Variants in NPAS3 observed in about 807,000 individuals in gnomAD.
NPAS3 encodes neuronal PAS domain-containing protein 3.
NPAS3 carries 14 observed loss-of-function variants against 73.1 expected under a neutral mutation model. The ratio of observed to expected loss-of-function variants is 0.19; its 90% CI spans 0.13 to 0.30. The LOEUF (loss-of-function observed/expected upper bound fraction) is 0.30. NPAS3 is among the 10% of genes least tolerant of loss of function. The probability of loss-of-function intolerance (pLI) is 1.00; values close to 1 mark genes in which losing one functional copy is unlikely to be tolerated. For synonymous variants in NPAS3, 620 were observed against 541.5 expected (o/e 1.14, Z -2.01); for missense variants, 1,096 against 1,250.0 (o/e 0.88, Z 1.86).
chr14:33,307,337 T>G (rs1161551056), intron 3 of NPAS3, among the ~76,000 whole-genome samples: 2 of 152,182 alleles, frequency 1.3e-5, no homozygotes, highest in African/African-American at 4.8e-5. Flanking sequence ...AATAATTCCA[T>G]TACCTGAATT....
At chr14:33,405,104 A>T (rs1291288108) in intron 4 of NPAS3, among the ~76,000 whole-genome samples, 1 of 151,918 alleles carries the variant, frequency 6.6e-6, no homozygotes. Context: ...TGCTGTGCAC[A>T]TTGTTGGCTG....
chr14:33,714,067 G>T, intron 6 of NPAS3, among the ~76,000 whole-genome samples: 1 of 151,716 alleles, frequency 6.6e-6, no homozygotes, highest in African/African-American at 2.4e-5. Flanking sequence ...GTCTTCTCTG[G>T]CCACGTTATT....
intron 4 of NPAS3, among the ~76,000 whole-genome samples, chr14:33,384,430 AAAAC>A (rs986941725): frequency 6.6e-6 from 1 of 151,910 alleles, no homozygotes; most frequent in African/African-American, 2.4e-5. Context: ...TTAAAAAAAA[AAAAC>A]AAATACCATT....
intron 3 of NPAS3, among the ~76,000 whole-genome samples, chr14:33,243,463 T>C (rs1461299000): frequency 6.6e-6 from 1 of 152,132 alleles, no homozygotes; most frequent in Non-Finnish European, 1.5e-5. Context: ...TCTTCCAGCA[T>C]TTCTGATTCA....
chr14:33,316,438 A>G (rs1005916150), intron 3 of NPAS3, among the ~76,000 whole-genome samples: 2 of 152,038 alleles, frequency 1.3e-5, no homozygotes, highest in African/African-American at 4.8e-5. Flanking sequence ...CATCCTGCAG[A>G]CTCAGAGAGA....
chr14:33,229,377 C>A (rs1310990469), intron 3 of NPAS3, among the ~76,000 whole-genome samples: 1 of 152,084 alleles, frequency 6.6e-6, no homozygotes, highest in Non-Finnish European at 1.5e-5. Context: ...GCATCTAAGA[C>A]CTGAATATAG....
At chr14:33,363,397 C>T (rs921729914) in intron 3 of NPAS3, among the ~76,000 whole-genome samples, 5 of 152,164 alleles carry the variant, frequency 3.3e-5, no homozygotes, top group African/African-American at 1.2e-4. Context: ...CTGTGGTTCC[C>T]CTGTGTATCT....
intron 2 of NPAS3, among the ~76,000 whole-genome samples, chr14:33,111,920 T>A (rs2138969990): frequency 6.6e-6 from 1 of 151,802 alleles, no homozygotes; most frequent in Admixed American, 6.6e-5. Context: ...CATGCGGTGT[T>A]TGGTTTTTTG....
intron 3 of NPAS3, among the ~76,000 whole-genome samples, chr14:33,354,730 G>A (rs79265444): frequency 0.012 from 1,820 of 152,222 alleles, 33 homozygotes; most frequent in African/African-American, 0.04. Flanking sequence ...CCATTATACT[G>A]TGTTATAACT....
At chr14:33,774,622 GA>G in intron 8 of NPAS3, 92 bp downstream of exon 8, 2 of 1,005,690 alleles carry the variant, frequency 2.0e-6, no homozygotes, top group Non-Finnish European at 3.0e-6. Context: ...CTCTCCCAGT[GA>G]GGTTCATTCT....
chr14:33,543,034 C>T (rs2054592652), intron 4 of NPAS3, among the ~76,000 whole-genome samples: 1 of 152,184 alleles, frequency 6.6e-6, no homozygotes, highest in South Asian at 2.1e-4. Context: ...CTCCTGTCCC[C>T]ATGATGATGA....
intron 4 of NPAS3, among the ~76,000 whole-genome samples, chr14:33,462,171 C>T (rs1021254183): frequency 6.6e-6 from 1 of 152,174 alleles, no homozygotes. Context: ...GAAACCTGGG[C>T]TCTCATTCCT....
At chr14:33,683,393 C>G (rs1256717629) in intron 6 of NPAS3, among the ~76,000 whole-genome samples, 6 of 97,344 alleles carry the variant, frequency 6.2e-5, no homozygotes, top group Non-Finnish European at 1.1e-4. Flanking sequence ...AAACCCAAGA[C>G]AAGCTGTTAA....
At chr14:33,254,695 T>C (rs1473202847) in intron 3 of NPAS3, among the ~76,000 whole-genome samples, 2 of 152,104 alleles carry the variant, frequency 1.3e-5, no homozygotes, top group East Asian at 3.8e-4. Context: ...TGAAAAATAC[T>C]AAAAGGCAGC....
Position 33,370,000 on chromosome 14 carries a change from C to G in NPAS3, c.468+2732C>G, listed in dbSNP as rs985591023. ...TCTGTCTTCCCTTTCCTCCTTCCTA[C>G]TCTTTCTTCATTTGCAAATAGTTGA... On this transcript the variant is annotated intron_variant, in intron 4 of 11. Coordinates refer to ENST00000356141, the Ensembl canonical transcript of NPAS3. Among the ~76,000 whole-genome samples the G allele has an allele frequency of 2.0e-5, 3 of 152,178 alleles. No individual in the cohort carries two copies. The South Asian group carries it at 6.2e-4, about 31-fold the overall frequency.
intron 5 of NPAS3, among the ~76,000 whole-genome samples, chr14:33,587,346 G>A (rs1175538307): frequency 2.0e-5 from 3 of 152,168 alleles, no homozygotes; most frequent in Admixed American, 6.5e-5. Flanking sequence ...AATTCCTTAA[G>A]ATGGCAGTCC....
At chr14:33,163,290 G>A (rs1256061764) in intron 2 of NPAS3, among the ~76,000 whole-genome samples, 2 of 152,146 alleles carry the variant, frequency 1.3e-5, no homozygotes, top group Admixed American at 1.3e-4. Flanking sequence ...TCATCCTGGC[G>A]GCCTCAGTCA....
At chr14:33,036,502 A>G (rs1034817222) in intron 1 of NPAS3, among the ~76,000 whole-genome samples, 4 of 152,182 alleles carry the variant, frequency 2.6e-5, no homozygotes, top group African/African-American at 9.7e-5. Context: ...AAGGCAGTAC[A>G]GAAAGCAAAA....
rs2044151395 is a variant in NPAS3 at position 33,143,995 on chromosome 14, A to T, written c.141-71187A>T. On this transcript the variant is annotated intron_variant, in intron 2 of 11. Coordinates refer to ENST00000356141, the Ensembl canonical transcript of NPAS3. ...TTTGAGTTGTTTTCCTCTTTTGACT[A>T]TTGTGAATGGAGCTGCAGTAAACAT... 2.0e-5 allele frequency among the ~76,000 whole-genome samples: 3 copies of T among 152,152 alleles called. No homozygotes were observed. The South Asian group carries it at 6.2e-4, about 32-fold the overall frequency.
Sources: allele counts gnomAD v4.1 joint callset (sites outside exome capture counted in the v4.1 genomes callset), GRCh38; gene constraint gnomAD v4.1.1; transcripts MANE v1.5; gene names NCBI Gene and HGNC (gene_info 2026-07-23, HGNC 2026-07-21).